The following SPNS3 variants were observed in gnomAD, a reference collection of about 807,000 sequenced individuals.
The protein encoded by SPNS3 is SPNS lysolipid transporter 3, sphingosine-1-phosphate (putative).
A neutral mutation model predicts 54.4 loss-of-function variants in SPNS3; 51 were observed. That is an observed-to-expected ratio of 0.94 (90% CI 0.75 to 1.18). SPNS3 has a LOEUF of 1.18. Among genes scored for constraint, SPNS3 ranks in the 50% most tolerant of loss-of-function variants. SPNS3 has a pLI of 0.00. For synonymous variants in SPNS3, 309 were observed against 294.7 expected (o/e 1.05, Z -0.50); for missense variants, 669 against 677.4 (o/e 0.99, Z 0.14).
intron 8 of SPNS3, among the ~76,000 whole-genome samples, chr17:4,467,059 C>T (rs1053741556): frequency 5.9e-5 from 9 of 152,128 alleles, no homozygotes; most frequent in Admixed American, 1.3e-4. Context: ...GCAGCCTGTG[C>T]GGAGGCCCTG....
intron 1 of SPNS3, among the ~76,000 whole-genome samples, chr17:4,439,184 C>A (rs932371941): frequency 7.9e-5 from 12 of 151,568 alleles, no homozygotes; most frequent in Non-Finnish European, 1.5e-4. Flanking sequence ...AGTGCAATGG[C>A]GCGATCTCGG....
chr17:4,448,000 G>C (rs926056991), intron 5 of SPNS3, among the ~76,000 whole-genome samples, 155 bp from the exon 6 acceptor site: 1 of 152,196 alleles, frequency 6.6e-6, no homozygotes, highest in African/African-American at 2.4e-5. Flanking sequence ...CTGCTCTGTG[G>C]ATACCAGCAT....
intron 8 of SPNS3, among the ~76,000 whole-genome samples, chr17:4,454,879 T>C (rs1454096086): frequency 6.7e-6 from 1 of 149,252 alleles, no homozygotes; most frequent in African/African-American, 2.5e-5. Context: ...CACCTCAGCC[T>C]CCCAAAGTGC....
At chr17:4,462,834 C>CACCA (rs1954667278) in intron 8 of SPNS3, among the ~76,000 whole-genome samples, 2 of 106,782 alleles carry the variant, frequency 1.9e-5, no homozygotes, top group Non-Finnish European at 4.1e-5. Flanking sequence ...TCCATCCATC[C>CACCA]ATTCAACCAC....
chr17:4,470,797 A>G (rs992697031), intron 8 of SPNS3, among the ~76,000 whole-genome samples: 1 of 152,216 alleles, frequency 6.6e-6, no homozygotes, highest in Non-Finnish European at 1.5e-5. Flanking sequence ...GGACTTATTG[A>G]TGAATACTAG....
chr17:4,439,130 C>CTTT (rs375231787), intron 1 of SPNS3, among the ~76,000 whole-genome samples: 8,467 of 148,708 alleles, frequency 0.057, 292 homozygotes, highest in Non-Finnish European at 0.08. Flanking sequence ...CTTTTTCTTT[C>CTTT]TTTTTTTTTT....
In SPNS3 at chr17:4,483,854, C is replaced by G. The variant is rs1228029558; in HGVS notation, c.1180-2374C>G. Among the ~76,000 whole-genome samples the G allele has an allele frequency of 6.6e-6, 1 of 152,142 alleles. No individual in the cohort carries two copies. Among genetic ancestry groups the G allele is most frequent in the Non-Finnish European group, 1.5e-5 (1 of 68,022 alleles). ...ACTCTGCCCTGCCCACCACCAAACC[C>G]CCTGCATCTGTCCCCTGGGATTCTG... On this transcript the variant is annotated intron_variant, in intron 9 of 11. Transcript: ENST00000355530. The surrounding 1 kb of genome is among the most constrained non-coding windows in gnomAD (Gnocchi z 4.2).
chr17:4,448,030 C>T (rs1306865513), intron 5 of SPNS3, 125 bp from the exon 6 acceptor site: 2 of 925,120 alleles, frequency 2.2e-6, no homozygotes, highest in Non-Finnish European at 3.0e-6. Flanking sequence ...AGGTCACCCC[C>T]ACTACCCCCA....
chr17:4,450,813 G>A (rs1263514557), intron 7 of SPNS3, among the ~76,000 whole-genome samples: 2 of 139,248 alleles, frequency 1.4e-5, no homozygotes. Flanking sequence ...TCACCATGTT[G>A]GGCAGGCTGG....
intron 7 of SPNS3, among the ~76,000 whole-genome samples, chr17:4,449,895 C>T (rs1450186600): frequency 6.6e-5 from 10 of 152,160 alleles, no homozygotes; most frequent in African/African-American, 1.2e-4. Flanking sequence ...CGCCCTCTCC[C>T]GCTTCCTGCC....
intron 1 of SPNS3, among the ~76,000 whole-genome samples, chr17:4,438,192 G>A (rs1444528637): frequency 6.6e-6 from 1 of 152,194 alleles, no homozygotes; most frequent in Non-Finnish European, 1.5e-5. Flanking sequence ...GGGTGTTTCT[G>A]CGGGGACCCA....
At chr17:4,440,696 T>A (rs1970827042) in intron 2 of SPNS3, among the ~76,000 whole-genome samples, 1 of 152,052 alleles carries the variant, frequency 6.6e-6, no homozygotes, top group African/African-American at 2.4e-5. Context: ...TGCTCCTGGG[T>A]GTAAAAACCT....
At chr17:4,435,805 G>T (rs965943415) in intron 1 of SPNS3, among the ~76,000 whole-genome samples, 1 of 152,052 alleles carries the variant, frequency 6.6e-6, no homozygotes, top group Non-Finnish European at 1.5e-5. Context: ...GGTGGCTCAC[G>T]CCTGTAATCC....
intron 2 of SPNS3, 32 bp from the exon 3 acceptor site, chr17:4,445,000 G>A (rs1970944961): frequency 6.2e-7 from 1 of 1,602,404 alleles, no homozygotes; most frequent in South Asian, 1.1e-5. Context: ...GGTCGTGGGG[G>A]GATCCAGGCT....
chr17:4,434,205 T>A, intron 1 of SPNS3, 39 bp downstream of exon 1: 2 of 1,555,578 alleles, frequency 1.3e-6, no homozygotes, highest in Non-Finnish European at 1.8e-6. Flanking sequence ...TACCTGCTGC[T>A]GTGCCCACCA....
At chr17:4,478,669 C>A in intron 9 of SPNS3, 32 bp downstream of exon 9, 1 of 1,567,874 alleles carries the variant, frequency 6.4e-7, no homozygotes, top group South Asian at 1.2e-5. Context: ...GTGGGCTGAG[C>A]AGGGGGAGCT....
intron 8 of SPNS3, among the ~76,000 whole-genome samples, chr17:4,458,645 CT>C (rs1475254114): frequency 4.3e-4 from 53 of 124,612 alleles, no homozygotes; most frequent in South Asian, 1.2e-3. Context: ...TTCTTTCTTT[CT>C]TTCCTTCCTT....
At chr17:4,456,591 T>C (rs1971321252) in intron 8 of SPNS3, among the ~76,000 whole-genome samples, 3 of 152,164 alleles carry the variant, frequency 2.0e-5, no homozygotes, top group African/African-American at 7.2e-5. Context: ...AGTGGCACGA[T>C]CTAGACTCAC....
chr17:4,444,953 T>G (rs1422602459), intron 2 of SPNS3, 79 bp from the exon 3 acceptor site: 1 of 1,514,508 alleles, frequency 6.6e-7, no homozygotes. Context: ...TGAGTCAGGC[T>G]CCTTCCCTGG....
Sources: allele counts gnomAD v4.1 joint callset (sites outside exome capture counted in the v4.1 genomes callset), GRCh38; gene constraint gnomAD v4.1.1; non-coding constraint Gnocchi (gnomAD v3.1); transcripts MANE v1.5; gene names NCBI Gene and HGNC (gene_info 2026-07-23, HGNC 2026-07-21).